Variants in ZNF804A observed in about 807,000 individuals in gnomAD.
ZNF804A encodes the protein zinc finger protein 804A.
In ZNF804A, 2 loss-of-function variants were observed where a neutral mutation model predicts 16.5. The observed-to-expected ratio is 0.12, with a 90% CI of 0.05 to 0.38. The LOEUF (loss-of-function observed/expected upper bound fraction) is 0.38. Ranked by LOEUF, ZNF804A falls within the 10% of genes least tolerant of loss-of-function variation. ZNF804A has a pLI of 0.99. For missense variants in ZNF804A, 1,473 were observed against 1,390.7 expected (o/e 1.06, Z -0.94); for synonymous variants, 534 against 489.6 (o/e 1.09, Z -1.20).
At chr2:184,895,248 G>C (rs1264950122) in intron 2 of ZNF804A, among the ~76,000 whole-genome samples, 1 of 151,954 alleles carries the variant, frequency 6.6e-6, no homozygotes, top group Admixed American at 6.6e-5. Flanking sequence ...GAGAGAGAGA[G>C]AGAGAGAAAA....
At chr2:184,803,046 T>C (rs923988292) in intron 1 of ZNF804A, among the ~76,000 whole-genome samples, 4 of 152,218 alleles carry the variant, frequency 2.6e-5, no homozygotes, top group African/African-American at 9.6e-5. Context: ...ATATGAGTTA[T>C]CTGAAATATA....
chr2:184,656,909 G>A (rs570279735), intron 1 of ZNF804A, among the ~76,000 whole-genome samples: 2 of 151,954 alleles, frequency 1.3e-5, no homozygotes, highest in Non-Finnish European at 2.9e-5. Flanking sequence ...CTTTCAAAAT[G>A]TTCTGCCAGG....
intron 1 of ZNF804A, among the ~76,000 whole-genome samples, chr2:184,847,893 G>A (rs1202251338): frequency 6.6e-6 from 1 of 152,006 alleles, no homozygotes; most frequent in Admixed American, 6.6e-5. Flanking sequence ...TAAAACTCAG[G>A]AACAGCCAGA....
intron 1 of ZNF804A, among the ~76,000 whole-genome samples, chr2:184,847,685 C>T (rs1432862252): frequency 6.6e-6 from 1 of 152,028 alleles, no homozygotes; most frequent in Admixed American, 6.6e-5. Flanking sequence ...ATGTCAGACT[C>T]CACAGGTTAA....
chr2:184,635,260 T>A (rs1691677705), intron 1 of ZNF804A, among the ~76,000 whole-genome samples: 1 of 152,178 alleles, frequency 6.6e-6, no homozygotes, highest in Admixed American at 6.5e-5. Context: ...ATATTGTTTT[T>A]CTAACACCAT....
At chr2:184,919,106 CTG>C (rs1685493851) in intron 2 of ZNF804A, among the ~76,000 whole-genome samples, 1 of 152,118 alleles carries the variant, frequency 6.6e-6, no homozygotes, top group Non-Finnish European at 1.5e-5. Context: ...TAGAGAAATG[CTG>C]TGTGTGGAAT....
At chr2:184,834,762 T>C (rs1035035850) in intron 1 of ZNF804A, among the ~76,000 whole-genome samples, 1 of 152,160 alleles carries the variant, frequency 6.6e-6, no homozygotes, top group Non-Finnish European at 1.5e-5. Flanking sequence ...TGATTGCTTT[T>C]GTGTATTTTA....
Position 184,598,862 on chromosome 2 carries a change from G to C in ZNF804A, c.-98G>C. The C allele has an allele frequency of 1.6e-6, 1 of 635,050 alleles. No homozygotes were observed. The highest frequency in any genetic ancestry group is 2.9e-5 in the South Asian group (1 of 34,264). The allele number at this position is 635,050 out of a possible 1,614,324, so 39.3% of individuals were successfully genotyped here. ...GGGGGTGGCTGCGTGCCCTCGTGGC[G>C]GGTTCCCAGCCCACCGTCGCCGGCC... On this transcript the variant is annotated 5_prime_UTR_variant, in exon 1 of 4. Coordinates refer to ENST00000302277, the MANE Select transcript of ZNF804A (RefSeq NM_194250.2).
intron 1 of ZNF804A, among the ~76,000 whole-genome samples, chr2:184,640,993 C>T (rs1177971782): frequency 1.3e-5 from 2 of 152,088 alleles, no homozygotes; most frequent in Non-Finnish European, 2.9e-5. Context: ...CTTGCTCTGT[C>T]GCTCAGGCTG....
intron 1 of ZNF804A, among the ~76,000 whole-genome samples, chr2:184,797,156 A>G (rs1694643363): frequency 1.3e-5 from 2 of 152,134 alleles, no homozygotes. Flanking sequence ...GTTCCAAGGT[A>G]TAGTTTAAAT....
intron 1 of ZNF804A, among the ~76,000 whole-genome samples, chr2:184,702,810 T>C (rs1005962431): frequency 2.6e-5 from 4 of 152,174 alleles, no homozygotes; most frequent in Non-Finnish European, 5.9e-5. Flanking sequence ...CATAGGTTAA[T>C]TTGCCTCTGT....
chr2:184,887,115 G>A (rs1337910645), intron 2 of ZNF804A, among the ~76,000 whole-genome samples: 1 of 152,136 alleles, frequency 6.6e-6, no homozygotes, highest in African/African-American at 2.4e-5. Context: ...TGCTTTGCTG[G>A]TTACAAATTT....
rs562498434 is a variant in ZNF804A at position 184,724,292 on chromosome 2, A to G, written c.111+125222A>G. ...TGTAAGTAAATGAAGTACCGCATGT[A>G]GAATATATGTATTTAATGCTCTATG... On this transcript the variant is annotated intron_variant, in intron 1 of 3. Coordinates refer to ENST00000302277, the MANE Select transcript of ZNF804A (RefSeq NM_194250.2). Among the ~76,000 whole-genome samples the G allele has an allele frequency of 3.3e-5, 5 of 151,852 alleles. No homozygotes were observed. In the South Asian group the frequency reaches 1.0e-3, roughly 31 times the overall value.
At chr2:184,721,612 G>A (rs1311029929) in intron 1 of ZNF804A, among the ~76,000 whole-genome samples, 1 of 152,046 alleles carries the variant, frequency 6.6e-6, no homozygotes, top group Non-Finnish European at 1.5e-5. Context: ...GTGGAGAAAA[G>A]GGAACTCCTA....
intron 1 of ZNF804A, among the ~76,000 whole-genome samples, chr2:184,785,803 A>G (rs1308343534): frequency 6.6e-6 from 1 of 152,116 alleles, no homozygotes. Context: ...GCATACACAT[A>G]TACCTGTACA....
At chr2:184,768,902 T>A (rs1694169761) in intron 1 of ZNF804A, among the ~76,000 whole-genome samples, 1 of 152,078 alleles carries the variant, frequency 6.6e-6, no homozygotes. Flanking sequence ...TACCCTTTAG[T>A]CGATTTTGTC....
intron 2 of ZNF804A, among the ~76,000 whole-genome samples, chr2:184,925,022 G>A (rs191617332): frequency 8.6e-5 from 13 of 152,010 alleles, no homozygotes; most frequent in Admixed American, 4.6e-4. Context: ...TGTAGCTGTT[G>A]GATGAAATGT....
chr2:184,797,282 T>C (rs2105781203), intron 1 of ZNF804A, among the ~76,000 whole-genome samples: 1 of 152,256 alleles, frequency 6.6e-6, no homozygotes, highest in African/African-American at 2.4e-5. Flanking sequence ...GGTCTATTGG[T>C]AATTGTTTTA....
intron 1 of ZNF804A, among the ~76,000 whole-genome samples, chr2:184,611,634 T>G (rs770559662): frequency 1.3e-5 from 2 of 152,132 alleles, no homozygotes; most frequent in African/African-American, 2.4e-5. Context: ...TTACTGAAGT[T>G]CTGAAGTTAC....
Sources: gnomAD v4.1 joint callset for allele counts (sites outside exome capture counted in the v4.1 genomes callset) on GRCh38, gnomAD v4.1.1 for gene constraint, MANE v1.5 for transcripts, NCBI Gene and HGNC (gene_info 2026-07-23, HGNC 2026-07-21) for gene names.